Variants in RBMS3 observed in about 807,000 individuals in gnomAD.
The protein encoded by RBMS3 is RNA binding motif single stranded interacting protein 3, also known as RNA-binding motif, single-stranded-interacting protein 3.
RBMS3 carries 27 observed loss-of-function variants against 66.8 expected under a neutral mutation model. The ratio of observed to expected loss-of-function variants is 0.40; its 90% CI spans 0.30 to 0.56. The LOEUF (loss-of-function observed/expected upper bound fraction) is 0.56. Ranked by LOEUF, RBMS3 falls within the 20% of genes least tolerant of loss-of-function variation. RBMS3 has a pLI of 0.40. For missense variants in RBMS3, 513 were observed against 549.5 expected (o/e 0.93, Z 0.66); for synonymous variants, 188 against 183.0 (o/e 1.03, Z -0.22).
At chr3:29,369,454 T>C (rs1213037381) in intron 1 of RBMS3, among the ~76,000 whole-genome samples, 2 of 149,470 alleles carry the variant, frequency 1.3e-5, no homozygotes, top group Admixed American at 6.7e-5. Flanking sequence ...TAAGCCAGTG[T>C]CCCCACCTCA....
intron 1 of RBMS3, among the ~76,000 whole-genome samples, chr3:29,358,744 C>G (rs2037382516): frequency 6.6e-6 from 1 of 152,090 alleles, no homozygotes; most frequent in South Asian, 2.1e-4. Flanking sequence ...TGTAGTTCTC[C>G]TTGAAGAGGT....
Position 30,004,185 on chromosome 3 carries a change from G to C in RBMS3, c.*323G>C, listed in dbSNP as rs1431741079. The C allele has an allele frequency of 4.9e-6, 1 of 205,196 alleles. No homozygotes were observed. The highest frequency in any genetic ancestry group is 9.6e-6 in the Non-Finnish European group (1 of 104,562). 12.7% of individuals were successfully genotyped at this position (205,196 alleles called of 1,614,324 possible). The stretch of plus-strand genomic sequence containing the variant: ...TGGAAGAACATTTGAATTGAATTCA[G>C]AATTTTTCTGAAGGTGTAGATACTT... On this transcript the variant is annotated 3_prime_UTR_variant, in exon 15 of 15. Transcript: ENST00000383767.
At chr3:29,550,002 C>T (rs546981119) in intron 3 of RBMS3, among the ~76,000 whole-genome samples, 2 of 152,194 alleles carry the variant, frequency 1.3e-5, no homozygotes, top group South Asian at 4.1e-4. Flanking sequence ...AATTAATCAG[C>T]TCTGGTGGTG....
intron 3 of RBMS3, among the ~76,000 whole-genome samples, chr3:29,530,257 C>T (rs915838215): frequency 6.6e-6 from 1 of 152,116 alleles, no homozygotes; most frequent in Admixed American, 6.5e-5. Flanking sequence ...TTAATCAACA[C>T]CGATTCTGAC....
intron 4 of RBMS3, among the ~76,000 whole-genome samples, chr3:29,692,283 C>G (rs2052061627): frequency 6.6e-6 from 1 of 151,904 alleles, no homozygotes; most frequent in Admixed American, 6.6e-5. Context: ...CGCCCGACCT[C>G]TATATTTTTT....
intron 8 of RBMS3, among the ~76,000 whole-genome samples, chr3:29,888,765 A>G (rs564797773): frequency 6.6e-6 from 1 of 151,788 alleles, no homozygotes; most frequent in Non-Finnish European, 1.5e-5. Flanking sequence ...CTCTAAATCC[A>G]TTTAGGTTAT....
chr3:29,720,519 T>C (rs956457763), intron 4 of RBMS3, among the ~76,000 whole-genome samples: 3 of 152,198 alleles, frequency 2.0e-5, no homozygotes, highest in Non-Finnish European at 4.4e-5. Flanking sequence ...GGTCTACCTA[T>C]GTATGTATGT....
At chr3:29,883,635 C>A (rs781412231) in intron 7 of RBMS3, among the ~76,000 whole-genome samples, 17 of 151,996 alleles carry the variant, frequency 1.1e-4, no homozygotes, top group Non-Finnish European at 2.4e-4. Context: ...TTCTATCACT[C>A]TTGTTAAGAT....
intron 3 of RBMS3, among the ~76,000 whole-genome samples, chr3:29,524,567 A>G (rs1338064627): frequency 6.6e-6 from 1 of 151,582 alleles, no homozygotes; most frequent in African/African-American, 2.4e-5. Flanking sequence ...AGCTGGGATT[A>G]CAGGTGCGAA....
chr3:29,995,678 G>A (rs13093515), intron 14 of RBMS3, among the ~76,000 whole-genome samples: 1 of 152,096 alleles, frequency 6.6e-6, no homozygotes, highest in Non-Finnish European at 1.5e-5. Context: ...AGCTTCATAA[G>A]TGAAGGAGAA....
chr3:29,731,239 T>G (rs1324216047), intron 4 of RBMS3, among the ~76,000 whole-genome samples: 1 of 152,230 alleles, frequency 6.6e-6, no homozygotes, highest in African/African-American at 2.4e-5. Context: ...GAACTCCAGT[T>G]GCTGACACTG....
rs140249632 is a variant in RBMS3 at position 29,450,902 on chromosome 3, TACAC to T, written c.248+16014_248+16017del. On this transcript the variant is annotated intron_variant, in intron 2 of 14. Coordinates refer to ENST00000383767, the MANE Select transcript of RBMS3 (RefSeq NM_001003793.3). ...GTAACAGTCTACCTCAACACACAGA[TACAC>T]ACACACACACACACACACACACACA... Among the ~76,000 whole-genome samples the T allele has an allele frequency of 1.9e-3, 158 of 85,384 alleles. 2 individuals are homozygous for T. Among genetic ancestry groups the T allele is most frequent in the African/African-American group, 4.7e-3 (95 of 20,048 alleles). 56.0% of individuals were successfully genotyped at this position (85,384 alleles called of 152,430 possible).
chr3:29,728,181 G>GA (rs771166682), intron 4 of RBMS3, among the ~76,000 whole-genome samples: 2 of 148,048 alleles, frequency 1.4e-5, no homozygotes, highest in African/African-American at 2.5e-5. Context: ...ACGGGGAGCG[G>GA]AACATCACAC....
At chr3:29,735,213 T>C (rs1347860235) in intron 4 of RBMS3, among the ~76,000 whole-genome samples, 3 of 152,118 alleles carry the variant, frequency 2.0e-5, no homozygotes, top group Non-Finnish European at 4.4e-5. Flanking sequence ...AGTTCTGAAA[T>C]TGTCTTAAAC....
At position 30,008,669 on chromosome 3, in the gene RBMS3, A is replaced by G. The variant is rs1384678633; in HGVS notation, c.*4807A>G. On this transcript the variant is annotated 3_prime_UTR_variant, in exon 15 of 15. Coordinates refer to ENST00000383767, the MANE Select transcript of RBMS3 (RefSeq NM_001003793.3). ...TGTACACTCTACCCTTCCTGTGGCA[A>G]GTGATAATGGGATTTCATTAATGAA... is the stretch of plus-strand genomic sequence containing the variant. 1 of 152,090 alleles carries G rather than the reference A, an allele frequency of 6.6e-6. No homozygotes were observed. Among genetic ancestry groups the G allele is most frequent in the East Asian group, 1.9e-4 (1 of 5,190 alleles). The allele number at this position is 152,090 out of a possible 1,614,324, so 9.4% of individuals were successfully genotyped here.
In RBMS3 at chr3:29,741,808, T is replaced by C. The variant is rs79866964; in HGVS notation, c.557+1931T>C. Among the ~76,000 whole-genome samples the C allele has an allele frequency of 4.1e-3, 631 of 152,290 alleles. 15 individuals carry two copies. Among genetic ancestry groups the C allele is most frequent in the Admixed American group, 0.035 (531 of 15,296 alleles). ...TATAGCTGGCTTCTTGTGACACCTTTCTTCTTGGCTTGTAAATGGCTGTGT... is the reference window on the plus strand; with the variant it reads ...TATAGCTGGCTTCTTGTGACACCTTCCTTCTTGGCTTGTAAATGGCTGTGT... On this transcript the variant is annotated intron_variant, in intron 5 of 14. Transcript: ENST00000383767.
intron 12 of RBMS3, among the ~76,000 whole-genome samples, chr3:29,956,093 C>A (rs928521716): frequency 2.6e-5 from 4 of 152,088 alleles, no homozygotes; most frequent in Non-Finnish European, 5.9e-5. Flanking sequence ...ACTTATCAAC[C>A]TTGTGTTCAA....
intron 2 of RBMS3, among the ~76,000 whole-genome samples, chr3:29,482,681 A>G (rs1048569449): frequency 7.4e-6 from 1 of 134,704 alleles, no homozygotes; most frequent in African/African-American, 2.8e-5. Context: ...TACACAGTCT[A>G]CCATTTTCTT....
At chr3:29,747,881 C>T (rs994848779) in intron 5 of RBMS3, among the ~76,000 whole-genome samples, 2 of 152,200 alleles carry the variant, frequency 1.3e-5, no homozygotes, top group African/African-American at 4.8e-5. Context: ...TGTCTTTCAG[C>T]CTTCAGGCTG....
Sources: gnomAD v4.1 joint callset for allele counts (sites outside exome capture counted in the v4.1 genomes callset) on GRCh38, gnomAD v4.1.1 for gene constraint, MANE v1.5 for transcripts, NCBI Gene and HGNC (gene_info 2026-07-23, HGNC 2026-07-21) for gene names.